COMT: variants seen among roughly 807,000 people sequenced by gnomAD.
COMT encodes catechol-O-methyltransferase, also known as catechol O-methyltransferase.
COMT carries 13 observed loss-of-function variants against 18.9 expected under a neutral mutation model. The ratio of observed to expected loss-of-function variants is 0.69; its 90% confidence interval spans 0.45 to 1.09. The LOEUF (loss-of-function observed/expected upper bound fraction) is 1.09. COMT is among the 50% of genes least tolerant of loss of function. The pLI is 0.00. For missense variants in COMT, 329 were observed against 361.8 expected (o/e 0.91, Z 0.73); for synonymous variants, 150 against 160.9 (o/e 0.93, Z 0.51).
rs762414852 is a variant in COMT, at chr22:19,968,634, C to T, written c.714C>T (p.Cys238=). The change falls in exon 6 of 6, where the codon TGC becomes TGT. Residue 238 remains cysteine (C), a synonymous_variant. Coordinates refer to ENST00000361682, the MANE Select transcript of COMT (RefSeq NM_000754.4). ...DFLAHVRGSS[C]FECTHYQSFL... ...TAGCACACGTGCGCGGGAGCAGCTG[C>T]TTTGAGTGCACACACTACCAATCGT... is the stretch of plus-strand genomic sequence containing the variant. The T allele has an allele frequency of 5.0e-6, 8 of 1,614,074 alleles. No homozygotes were observed. In the South Asian group the frequency reaches 7.7e-5, roughly 16 times the overall value.
chr22:19,965,303 G>A (rs1244196683), intron 5 of COMT: 5 of 152,248 alleles, frequency 3.3e-5, no homozygotes, highest in Admixed American at 2.0e-4. Context: ...CTTGAGGCCA[G>A]GAGAGTTCGA....
intron 1 of COMT, among the ~76,000 whole-genome samples, chr22:19,952,435 C>G (rs368058751): frequency 2.6e-5 from 4 of 151,922 alleles, no homozygotes; most frequent in Non-Finnish European, 5.9e-5. Context: ...GTCAGGAGAT[C>G]GAGACCATCC....
At chr22:19,966,488 T>C (rs943300022) in intron 5 of COMT, among the ~76,000 whole-genome samples, 2 of 150,124 alleles carry the variant, frequency 1.3e-5, no homozygotes, top group Non-Finnish European at 2.9e-5. Context: ...GTGCCCAGGC[T>C]GGAGTGCAGT....
chr22:19,951,097 C>G (rs1055204670), intron 1 of COMT: 8 of 152,236 alleles, frequency 5.3e-5, no homozygotes, highest in South Asian at 2.1e-4. Context: ...CGGTGGCGCA[C>G]GCCTGTAATC....
chr22:19,962,738 AC>A lies in COMT; in HGVS notation c.213del (p.Asn71LysfsTer20). On this transcript the variant is annotated frameshift_variant, in exon 3 of 6. Transcript: ENST00000361682. LOFTEE classifies it high-confidence loss of function. ...NHVLQHAEPGNAQSVLEAIDT... is the reference protein window; with the variant it reads ...NHVLQHAEPGXAQSVLEAIDT... ...GTGCTGCAGCATGCGGAGCCCGGGA[AC>A]GCACAGAGCGTGCTGGAGGCCATTG... 6.2e-7 allele frequency: 1 copy of A among 1,613,746 alleles called. No homozygotes were observed. The highest frequency in any genetic ancestry group is 8.5e-7 in the Non-Finnish European group (1 of 1,179,982).
Position 19,958,152 on chromosome 22 carries a change from G to A in COMT, c.-91-3047G>A, listed in dbSNP as rs1443623046. Among the ~76,000 whole-genome samples, 4 of 146,444 alleles carry A rather than the reference G, an allele frequency of 2.7e-5. No individual in the cohort carries two copies. In the East Asian group the frequency reaches 6.0e-4, roughly 22 times the overall value. On this transcript the variant is annotated intron_variant, in intron 1 of 5. Coordinates refer to ENST00000361682, the MANE Select transcript of COMT (RefSeq NM_000754.4). ...TAAGAATTTTTTAATATTTGTGGGTGCATAGCATGTTTAATTTTTTTTTTT... is the reference window on the plus strand; with the variant it reads ...TAAGAATTTTTTAATATTTGTGGGTACATAGCATGTTTAATTTTTTTTTTT...
chr22:19,964,624 G>A (rs754314111), intron 5 of COMT: 67 of 597,620 alleles, frequency 1.1e-4, no homozygotes, highest in Non-Finnish European at 1.6e-4. Flanking sequence ...CAGGACCAAG[G>A]AGATGGGGTG....
chr22:19,947,196 G>A (rs998962345), intron 1 of COMT, among the ~76,000 whole-genome samples: 15 of 152,060 alleles, frequency 9.9e-5, no homozygotes, highest in Non-Finnish European at 1.5e-4. Context: ...GATTACAGGC[G>A]TGAGTCACCG....
intron 1 of COMT, among the ~76,000 whole-genome samples, chr22:19,953,096 G>C (rs1244437420): frequency 1.3e-5 from 2 of 152,192 alleles, no homozygotes; most frequent in East Asian, 1.9e-4. Context: ...AGAGGAGCCT[G>C]GCCGGAGTGT....
intron 5 of COMT, 140 bp downstream of exon 5, chr22:19,964,439 G>A: frequency 8.2e-7 from 1 of 1,219,228 alleles, no homozygotes; most frequent in Non-Finnish European, 1.2e-6. Flanking sequence ...CCTGAGGTCT[G>A]GGAGTGTGGG....
chr22:19,968,727 A>G lies in COMT; in HGVS notation c.807A>G (p.Ala269=). Residue 269 remains alanine, a synonymous_variant, in exon 6 of 6, where the codon GCA becomes GCG. Coordinates refer to ENST00000361682, the MANE Select transcript of COMT (RefSeq NM_000754.4). ...TCTACAAGGGCCCAGGCAGCGAAGC[A>G]GGGCCCTGACTGCCCCCCCGGCCCC... ...KAIYKGPGSE[A]GP 6.3e-7 allele frequency: 1 copy of G among 1,593,122 alleles called. No individual in the cohort carries two copies.
At chr22:19,962,470 T>C in intron 2 of COMT, 57 bp from the exon 3 acceptor site, 5 of 1,551,006 alleles carry the variant, frequency 3.2e-6, no homozygotes. Flanking sequence ...CAAAGGGGCG[T>C]GTGGGTGCTG....
At position 19,963,621 on chromosome 22, in the gene COMT, G is replaced by A; in HGVS notation, c.345G>A (p.Leu115=). The change falls in exon 4 of 6, where the codon CTG becomes CTA. Residue 115 remains leucine, a synonymous_variant. Coordinates refer to ENST00000361682, the MANE Select transcript of COMT (RefSeq NM_000754.4). ...ACCAGCCCTCCGTGCTGCTGGAGCT[G>A]GGGGCCTACTGTGGCTACTCAGCTG... ...QEHQPSVLLE[L]GAYCGYSAVR... The A allele has an allele frequency of 6.2e-7, 1 of 1,612,974 alleles. No homozygotes were observed. Among genetic ancestry groups the A allele is most frequent in the East Asian group, 2.2e-5 (1 of 44,872 alleles).
chr22:19,941,884 C>T lies in COMT; in HGVS notation c.-105C>T. On this transcript the variant is annotated 5_prime_UTR_variant, in exon 1 of 6. Transcript: ENST00000361682. ...CGGGGCGGGTCCAGTCCCGGGCGGG[C>T]CGTCGCGGGAGAGGTGAGAGCGCTG... is the stretch of plus-strand genomic sequence containing the variant. The T allele has an allele frequency of 7.3e-7, 1 of 1,364,966 alleles. No homozygotes were observed. 84.6% of individuals were successfully genotyped at this position (1,364,966 alleles called of 1,614,324 possible).
Position 19,968,827 on chromosome 22 carries a change from C to A in COMT, c.*91C>A. ...CCTGCTGACCTTCTGCGGCTCCGGG[C>A]TGTGTCCTAAATGCAAAGCACACCT... On this transcript the variant is annotated 3_prime_UTR_variant, in exon 6 of 6. Coordinates refer to ENST00000361682, the MANE Select transcript of COMT (RefSeq NM_000754.4). 1 of 1,283,916 alleles carries A rather than the reference C, an allele frequency of 7.8e-7. No individual in the cohort carries two copies. Among genetic ancestry groups the A allele is most frequent in the East Asian group, 2.5e-5 (1 of 40,656 alleles). The allele number at this position is 1,283,916 out of a possible 1,614,324, so 79.5% of individuals were successfully genotyped here.
At chr22:19,958,132 A>T (rs1160786050) in intron 1 of COMT, among the ~76,000 whole-genome samples, 1 of 148,606 alleles carries the variant, frequency 6.7e-6, no homozygotes, top group Non-Finnish European at 1.5e-5. Context: ...GTTTTTAAGA[A>T]TTTTTTAATA....
intron 1 of COMT, among the ~76,000 whole-genome samples, chr22:19,960,463 T>A (rs895463742): frequency 6.6e-6 from 1 of 152,230 alleles, no homozygotes; most frequent in African/African-American, 2.4e-5. Flanking sequence ...GTTCCCCCTG[T>A]CATCTTCCTG....
chr22:19,953,117 T>C (rs548118368), intron 1 of COMT, among the ~76,000 whole-genome samples: 1 of 147,596 alleles, frequency 6.8e-6, no homozygotes, highest in East Asian at 2.0e-4. Context: ...GATGGGGGAG[T>C]CTTTGTCCAG....
intron 1 of COMT, among the ~76,000 whole-genome samples, chr22:19,948,152 A>G (rs1037432318): frequency 5.9e-5 from 9 of 152,226 alleles, no homozygotes; most frequent in African/African-American, 2.2e-4. Context: ...ATCTAATGTA[A>G]CTATTCTTAT....
Sources: gnomAD v4.1 joint callset for allele counts (sites outside exome capture counted in the v4.1 genomes callset) on GRCh38, gnomAD v4.1.1 for gene constraint, MANE v1.5 for transcripts, NCBI Gene and HGNC (gene_info 2026-07-23, HGNC 2026-07-21) for gene names.